Variants in CNTN6 observed in about 807,000 individuals in gnomAD.
CNTN6 encodes the protein contactin 6.
A neutral mutation model predicts 122.8 loss-of-function variants in CNTN6; 137 were observed. That is an observed-to-expected ratio of 1.12 (90% CI 0.97 to 1.29). The LOEUF is 1.29. Ranked by LOEUF, CNTN6 falls within the 50% of genes most tolerant of loss-of-function variation. CNTN6 has a pLI of 0.00. For missense variants in CNTN6, 1,634 were observed against 1,223.4 expected, an observed-to-expected ratio of 1.34 and a Z score of -5.01; for synonymous variants, 570 against 426.0, an observed-to-expected ratio of 1.34 and a Z score of -4.16.
intron 2 of CNTN6, among the ~76,000 whole-genome samples, chr3:1,209,240 T>A (rs1371567582): frequency 6.6e-6 from 1 of 152,208 alleles, no homozygotes; most frequent in Non-Finnish European, 1.5e-5. Flanking sequence ...ATCTTCAACT[T>A]TATACCATGT....
chr3:1,331,234 A>G (rs1559846263), intron 11 of CNTN6, among the ~76,000 whole-genome samples: 2 of 151,986 alleles, frequency 1.3e-5, no homozygotes, highest in African/African-American at 4.8e-5. Flanking sequence ...GCATTTCTTT[A>G]CATCCCTGGA....
At chr3:1,268,269 C>A (rs149823973) in intron 4 of CNTN6, among the ~76,000 whole-genome samples, 1 of 152,154 alleles carries the variant, frequency 6.6e-6, no homozygotes, top group Non-Finnish European at 1.5e-5. Context: ...CACTAACCAT[C>A]AGTCTAACAA....
chr3:1,316,198 G>A (rs1345576587), intron 7 of CNTN6, among the ~76,000 whole-genome samples: 2 of 151,810 alleles, frequency 1.3e-5, no homozygotes, highest in Non-Finnish European at 2.9e-5. Flanking sequence ...TAAATGAGAG[G>A]CGTATTAATC....
At chr3:1,334,379 T>TA (rs1166942493) in intron 11 of CNTN6, among the ~76,000 whole-genome samples, 2 of 38,414 alleles carry the variant, frequency 5.2e-5, no homozygotes, top group Non-Finnish European at 8.6e-5. Flanking sequence ...TCTTTTTATT[T>TA]TTTTTTTTTT....
intron 19 of CNTN6, 26 bp downstream of exon 19, chr3:1,383,434 C>A (rs200293971): frequency 4.3e-5 from 67 of 1,574,140 alleles, no homozygotes; most frequent in Admixed American, 2.3e-4. Flanking sequence ...TTCACTTTTG[C>A]TTATGAATGT....
chr3:1,382,666 T>C (rs1271917207), intron 17 of CNTN6, among the ~76,000 whole-genome samples: 3 of 152,296 alleles, frequency 2.0e-5, no homozygotes, highest in East Asian at 3.9e-4. Context: ...ACTGTTTTAT[T>C]ATTATAATTT....
At chr3:1,110,376 G>GT (rs2091424627) in intron 1 of CNTN6, among the ~76,000 whole-genome samples, 1 of 152,034 alleles carries the variant, frequency 6.6e-6, no homozygotes. Flanking sequence ...GGTACTTTCT[G>GT]TATTACTGTC....
At chr3:1,300,636 C>T (rs1421739575) in intron 7 of CNTN6, among the ~76,000 whole-genome samples, 3 of 151,734 alleles carry the variant, frequency 2.0e-5, no homozygotes, top group African/African-American at 7.3e-5. Context: ...GGAGAGATAA[C>T]ATGATCAATA....
intron 2 of CNTN6, among the ~76,000 whole-genome samples, chr3:1,176,613 T>C (rs2093454075): frequency 6.6e-6 from 1 of 152,202 alleles, no homozygotes; most frequent in South Asian, 2.1e-4. Context: ...AACTCTTGAT[T>C]ATTCAAGTAT....
chr3:1,109,440 A>G (rs2091376219), intron 1 of CNTN6, among the ~76,000 whole-genome samples: 1 of 152,086 alleles, frequency 6.6e-6, no homozygotes, highest in African/African-American at 2.4e-5. Context: ...TTAAAATGTC[A>G]AAATAATATA....
chr3:1,247,453 T>A (rs1252518379), intron 4 of CNTN6, among the ~76,000 whole-genome samples: 1 of 149,242 alleles, frequency 6.7e-6, no homozygotes, highest in Non-Finnish European at 1.5e-5. Flanking sequence ...CTATATGGTT[T>A]AAAAAAAAAA....
chr3:1,161,639 T>A (rs1437291824), intron 2 of CNTN6, among the ~76,000 whole-genome samples: 7 of 151,856 alleles, frequency 4.6e-5, no homozygotes, highest in African/African-American at 1.7e-4. Context: ...TGAGCTATGT[T>A]TTATTTTTTA....
At chr3:1,105,176 A>G (rs1033833757) in intron 1 of CNTN6, among the ~76,000 whole-genome samples, 1 of 152,106 alleles carries the variant, frequency 6.6e-6, no homozygotes, top group Admixed American at 6.5e-5. Flanking sequence ...TGTTAATACT[A>G]AATATTATTA....
At chr3:1,393,578 A>C (rs1410011230) in intron 20 of CNTN6, among the ~76,000 whole-genome samples, 1 of 136,440 alleles carries the variant, frequency 7.3e-6, no homozygotes, top group African/African-American at 2.5e-5. Context: ...AAAAAAAGAA[A>C]CTCTTGTGTG....
intron 2 of CNTN6, among the ~76,000 whole-genome samples, chr3:1,179,170 T>A (rs569069503): frequency 6.6e-6 from 1 of 152,154 alleles, no homozygotes; most frequent in East Asian, 1.9e-4. Flanking sequence ...AAATCTTGCA[T>A]AAACTCATTG....
intron 2 of CNTN6, among the ~76,000 whole-genome samples, chr3:1,205,178 G>A (rs529460707): frequency 6.6e-6 from 1 of 152,098 alleles, no homozygotes; most frequent in Non-Finnish European, 1.5e-5. Context: ...GTCTCTAGAA[G>A]TCGTATAAGG....
intron 1 of CNTN6, among the ~76,000 whole-genome samples, chr3:1,128,946 T>C (rs1188369399): frequency 1.3e-5 from 2 of 152,042 alleles, no homozygotes; most frequent in African/African-American, 4.8e-5. Context: ...TCTCTAATCT[T>C]CACTTCAATA....
At chr3:1,122,402 G>C (rs1289624169) in intron 1 of CNTN6, among the ~76,000 whole-genome samples, 1 of 151,392 alleles carries the variant, frequency 6.6e-6, no homozygotes, top group Non-Finnish European at 1.5e-5. Flanking sequence ...AGGAAAGAAG[G>C]GGTTCTCAAC....
chr3:1,235,156 T>C, intron 4 of CNTN6, among the ~76,000 whole-genome samples: 1 of 152,158 alleles, frequency 6.6e-6, no homozygotes, highest in Middle Eastern at 3.2e-3. Context: ...GGAGCTAGTC[T>C]TTTTAGTTCA....
Sources: allele counts gnomAD v4.1 joint callset (sites outside exome capture counted in the v4.1 genomes callset), GRCh38; gene constraint gnomAD v4.1.1; transcripts MANE v1.5; gene names NCBI Gene and HGNC (gene_info 2026-07-23, HGNC 2026-07-21).